The following AHNAK variants were observed in gnomAD, a reference collection of about 807,000 sequenced individuals.
The protein encoded by AHNAK is neuroblast differentiation-associated protein AHNAK.
Under a neutral mutation model 37.8 loss-of-function variants are expected in AHNAK, and 23 were observed. The observed-to-expected ratio is 0.61, with a 90% confidence interval of 0.44 to 0.86. The LOEUF is 0.86. Among genes scored for constraint, AHNAK ranks in the 40% least tolerant of loss-of-function variants. AHNAK has a pLI of 0.00. For synonymous variants in AHNAK, 2,481 were observed against 2,636.3 expected (o/e 0.94, Z 1.80); for missense variants, 7,411 against 7,319.4 (o/e 1.01, Z -0.46).
chr11:62,448,762 A>G (rs944142653), intron 5 of AHNAK, among the ~76,000 whole-genome samples: 2 of 152,204 alleles, frequency 1.3e-5, no homozygotes, highest in African/African-American at 4.8e-5. Context: ...TTGTCAACCT[A>G]CAGATGGTAT....
intron 4 of AHNAK, among the ~76,000 whole-genome samples, chr11:62,500,888 A>T (rs1267892426): frequency 2.0e-5 from 3 of 152,174 alleles, no homozygotes; most frequent in Admixed American, 2.0e-4. Flanking sequence ...TGACAACTGG[A>T]TGTGGACATT....
chr11:62,479,168 T>A (rs5792261), intron 5 of AHNAK, among the ~76,000 whole-genome samples: 1 of 5,542 alleles, frequency 1.8e-4, no homozygotes. Flanking sequence ...TTCTTTTTTC[T>A]TTTTTTTTTT....
In AHNAK at chr11:62,443,165, A is replaced by T. The variant is rs376502699; in HGVS notation, c.443-9274T>A. On this transcript the variant is annotated intron_variant, in intron 5 of 5. Transcript: ENST00000257247. ...CTAATTTTTGTATTTTTTAGTAGTG[A>T]TGGGGTTTCACCATATTGGCCAGGC... 2.0e-5 allele frequency among the ~76,000 whole-genome samples: 3 copies of T among 149,620 alleles called. No individual in the cohort carries two copies. The South Asian group carries it at 6.5e-4, about 32-fold the overall frequency.
At chr11:62,545,600 C>A (rs538083390) in intron 1 of AHNAK, 66 of 152,760 alleles carry the variant, frequency 4.3e-4, no homozygotes, top group East Asian at 1.9e-4. Flanking sequence ...CTAGGCGAGA[C>A]CTCGCTTCGG....
intron 5 of AHNAK, among the ~76,000 whole-genome samples, chr11:62,465,520 G>T (rs957305517): frequency 2.0e-5 from 3 of 152,200 alleles, no homozygotes; most frequent in African/African-American, 7.2e-5. Flanking sequence ...GGTTGAGGCA[G>T]GAGAATCACT....
chr11:62,525,905 G>A lies in AHNAK; in HGVS notation c.8512C>T (p.Pro2838Ser). 6.2e-7 allele frequency: 1 copy of A among 1,614,118 alleles called. No homozygotes were observed. Among genetic ancestry groups the A allele is most frequent in the Non-Finnish European group, 8.5e-7 (1 of 1,180,024 alleles). The change falls in exon 5 of 5, where the codon CCA becomes TCA. Residue 2838 changes from proline to serine, a missense_variant. By Grantham distance (74) the Pro-to-Ser change is moderately conservative. Coordinates refer to ENST00000378024, the MANE Select transcript of AHNAK (RefSeq NM_001620.3). ...CCTGTGAGATTCAGGTCAATATCTG[G>A]CATGGATATCTTTGGAGTCTTAAAA... is the stretch of plus-strand genomic sequence containing the variant. ...MHFKTPKISM[P>S]DIDLNLTGPK... is the part of the protein sequence containing the mutation.
exon 6 of AHNAK, chr11:62,433,819 A>C: frequency 6.2e-7 from 1 of 1,606,514 alleles, no homozygotes; most frequent in South Asian, 1.1e-5. Context: ...CATTTTTAGA[A>C]CAATGCTCCA....
chr11:62,510,688 G>A (rs1185422649), intron 4 of AHNAK, among the ~76,000 whole-genome samples: 2 of 151,962 alleles, frequency 1.3e-5, no homozygotes, highest in African/African-American at 2.4e-5. Context: ...AGGTTGTGGT[G>A]AGCCAAGAGT....
At position 62,509,203 on chromosome 11, in the gene AHNAK, C is replaced by G. The variant is rs2134181355; in HGVS notation, c.343-17372G>C. Among the ~76,000 whole-genome samples, 2 of 152,116 alleles carry G rather than the reference C, an allele frequency of 1.3e-5. 1 individual carries two copies. Among genetic ancestry groups the G allele is most frequent in the South Asian group, 4.2e-4 (2 of 4,818 alleles). On this transcript the variant is annotated intron_variant, in intron 4 of 5. Coordinates refer to the AHNAK transcript ENST00000257247. ...CAGATTGAGGGACATTTCTAGAAAACTGGTCCCACACACTTCAAAAATATC... is the reference window on the plus strand; with the variant it reads ...CAGATTGAGGGACATTTCTAGAAAAGTGGTCCCACACACTTCAAAAATATC...
intron 5 of AHNAK, among the ~76,000 whole-genome samples, chr11:62,462,600 T>G (rs1163629126): frequency 1.3e-5 from 2 of 152,210 alleles, no homozygotes; most frequent in Non-Finnish European, 2.9e-5. Flanking sequence ...AAACGGTAGA[T>G]AGATAACTTA....
At chr11:62,504,209 A>G (rs1475700947) in intron 4 of AHNAK, among the ~76,000 whole-genome samples, 1 of 151,570 alleles carries the variant, frequency 6.6e-6, no homozygotes, top group Non-Finnish European at 1.5e-5. Flanking sequence ...AAAGAAAGAG[A>G]GAGAGAGAAA....
Position 62,516,105 on chromosome 11 carries a change from G to A in AHNAK, c.*639C>T. 1.6e-6 allele frequency: 2 copies of A among 1,268,822 alleles called. No individual in the cohort carries two copies. The highest frequency in any genetic ancestry group is 4.8e-5 in the Admixed American group (2 of 41,870). 78.6% of individuals were successfully genotyped at this position (1,268,822 alleles called of 1,614,324 possible). A position where few individuals can be genotyped will look rare whatever the true frequency, so the allele number is the denominator to read the frequency against. On this transcript the variant is annotated 3_prime_UTR_variant, in exon 5 of 5. Coordinates refer to ENST00000378024, the MANE Select transcript of AHNAK (RefSeq NM_001620.3). ...GAAAATGGAAGCCCCTCATGTTGAG[G>A]GGGTGGGTTGGACAATTTGCAAACA...
At chr11:62,500,451 T>C (rs749060816) in intron 4 of AHNAK, among the ~76,000 whole-genome samples, 6 of 152,156 alleles carry the variant, frequency 3.9e-5, no homozygotes, top group African/African-American at 1.2e-4. Context: ...CAGAGAGTCA[T>C]GTGTGCTACA....
rs1377218691 is a variant in AHNAK at position 62,524,049 on chromosome 11, G to A, written c.10368C>T (p.Val3456=). ...CATCCACATCAGGTGCATTAAGATT[G>A]ACTTCTGGTGCCTTAATATCCACTT... is the stretch of plus-strand genomic sequence containing the variant. ...GPKVDIKAPE[V]NLNAPDVDVH... is the part of the protein sequence containing the mutation. Residue 3456 remains valine (V), a synonymous_variant, in exon 5 of 5, where the codon GTC becomes GTT. Transcript: ENST00000378024. The A allele has an allele frequency of 6.2e-7, 1 of 1,613,862 alleles. No homozygotes were observed. Among genetic ancestry groups the A allele is most frequent in the East Asian group, 2.2e-5 (1 of 44,898 alleles).
intron 1 of AHNAK, among the ~76,000 whole-genome samples, chr11:62,541,203 G>A (rs1941112496): frequency 6.6e-6 from 1 of 152,182 alleles, no homozygotes; most frequent in Non-Finnish European, 1.5e-5. Context: ...CACCAAACCT[G>A]AGGACAAGAT....
intron 5 of AHNAK, among the ~76,000 whole-genome samples, chr11:62,455,866 C>CCA (rs532987789): frequency 7.4e-6 from 1 of 134,624 alleles, no homozygotes; most frequent in African/African-American, 2.8e-5. Context: ...TCCATCCCCC[C>CCA]AAAAAAAAAA....
At chr11:62,456,185 G>T (rs1484440638) in intron 5 of AHNAK, among the ~76,000 whole-genome samples, 1 of 152,190 alleles carries the variant, frequency 6.6e-6, no homozygotes, top group Non-Finnish European at 1.5e-5. Context: ...CAGACACCTT[G>T]ATCTTGGACT....
intron 5 of AHNAK, among the ~76,000 whole-genome samples, chr11:62,478,076 G>A (rs187038011): frequency 6.6e-6 from 1 of 152,244 alleles, no homozygotes; most frequent in Admixed American, 6.5e-5. Context: ...ATTCCTCTCC[G>A]CAGGACTCAG....
Position 62,519,178 on chromosome 11 carries a change from G to T in AHNAK, c.15239C>A (p.Thr5080Asn). 1 of 1,613,226 alleles carries T rather than the reference G, an allele frequency of 6.2e-7. No individual in the cohort carries two copies. The highest frequency in any genetic ancestry group is 8.5e-7 in the Non-Finnish European group (1 of 1,179,756). ...ALKVDVKSPK[T>N]KKTMFGKMYF... The stretch of plus-strand genomic sequence containing the variant: ...CATTTTTCCAAACATCGTTTTCTTG[G>T]TTTTGGGCGATTTCACGTCGACTTT... The change falls in exon 5 of 5, where the codon ACC becomes AAC. Residue 5080 changes from threonine to asparagine, a missense_variant. Transcript: ENST00000378024.
Sources: allele counts gnomAD v4.1 joint callset (sites outside exome capture counted in the v4.1 genomes callset), GRCh38; gene constraint gnomAD v4.1.1; transcripts MANE v1.5; gene names NCBI Gene and HGNC (gene_info 2026-07-23, HGNC 2026-07-21).